The following NR2C1 variants were observed in gnomAD, a reference collection of about 807,000 sequenced individuals.
NR2C1 encodes nuclear receptor subfamily 2 group C member 1.
Under a neutral mutation model 74.8 loss-of-function variants are expected in NR2C1, and 33 were observed. The observed-to-expected ratio is 0.44, with a 90% CI of 0.33 to 0.59. The LOEUF is 0.59. Among genes scored for constraint, NR2C1 ranks in the 20% least tolerant of loss-of-function variants. NR2C1 has a pLI of 0.02. For missense variants in NR2C1, 568 were observed against 715.6 expected, an observed-to-expected ratio of 0.79 and a Z score of 2.35; for synonymous variants, 225 against 240.6, an observed-to-expected ratio of 0.94 and a Z score of 0.60.
At chr12:95,061,003 T>A (rs1254888977) in intron 3 of NR2C1, among the ~76,000 whole-genome samples, 1 of 152,248 alleles carries the variant, frequency 6.6e-6, no homozygotes, top group African/African-American at 2.4e-5. Flanking sequence ...ATGGTGCTAA[T>A]CTTTTATCTA....
At chr12:95,067,578 T>TA (rs1398638058) in intron 1 of NR2C1, among the ~76,000 whole-genome samples, 187 bp from the exon 2 acceptor site, 1 of 151,582 alleles carries the variant, frequency 6.6e-6, no homozygotes, top group Non-Finnish European at 1.5e-5. Context: ...CTTTTTTATT[T>TA]TTTTTTTTTT....
In NR2C1 at chr12:95,051,840, G is replaced by A. The variant is rs1034558461; in HGVS notation, c.887C>T (p.Ser296Phe). The A allele has an allele frequency of 1.2e-6, 2 of 1,611,176 alleles. No homozygotes were observed. Among genetic ancestry groups the A allele is most frequent in the Non-Finnish European group, 1.7e-6 (2 of 1,179,272 alleles). Residue 296 changes from serine to phenylalanine, a missense_variant, in exon 8 of 14, where the codon TCT becomes TTT. Around this residue, in one of 6 missense-constraint regions of NR2C1, gnomAD observed 239 missense variants for 232.3 expected, o/e 1.03. Coordinates refer to ENST00000333003, the MANE Select transcript of NR2C1 (RefSeq NM_003297.4). ...KDLSQNSNEM[S>F]MIESLSNDDT... ...ATCATTGCTTAAGCTTTCAATCATA[G>A]ACATTTCATTACTATTTTGAGAAAG...
At chr12:95,028,566 A>C (rs751117465) in intron 11 of NR2C1, 42 bp from the exon 12 acceptor site, 1 of 1,282,414 alleles carries the variant, frequency 7.8e-7, no homozygotes, top group Admixed American at 2.1e-5. Context: ...GTTTGTCTAA[A>C]ATGAACAACT....
In NR2C1 at chr12:95,040,539, G is replaced by A; in HGVS notation, c.1190C>T (p.Ala397Val). 6.2e-7 allele frequency: 1 copy of A among 1,613,156 alleles called. No homozygotes were observed. The stretch of plus-strand genomic sequence containing the variant: ...CATTGATAAGAACAGCAGTCTGGAG[G>A]CAGACTCCCCAATGTAGTGCACATT... ...YLNVHYIGES[A>V]SRLLFLSMHW... Residue 397 changes from alanine to valine, a missense_variant, in exon 10 of 14, where the codon GCC (alanine) becomes GTC (valine). By Grantham distance (64) the Ala-to-Val change is moderately conservative (BLOSUM62 0). Coordinates refer to ENST00000333003, the MANE Select transcript of NR2C1 (RefSeq NM_003297.4).
intron 3 of NR2C1, among the ~76,000 whole-genome samples, chr12:95,060,620 A>G (rs565674496): frequency 6.6e-6 from 1 of 152,364 alleles, no homozygotes; most frequent in East Asian, 1.9e-4. Context: ...GCACCACTGC[A>G]CTTTGGCCTG....
intron 3 of NR2C1, 40 bp from the exon 4 acceptor site, chr12:95,060,024 A>C: frequency 6.9e-7 from 1 of 1,450,940 alleles, no homozygotes; most frequent in Non-Finnish European, 9.2e-7. Flanking sequence ...AAAAACGAAA[A>C]CCTGTTGTTA....
At chr12:95,041,209 C>T (rs902187757) in intron 9 of NR2C1, among the ~76,000 whole-genome samples, 4 of 152,016 alleles carry the variant, frequency 2.6e-5, no homozygotes, top group South Asian at 2.1e-4. Flanking sequence ...ACTGGCAGGC[C>T]GGGTGTGGTG....
intron 2 of NR2C1, among the ~76,000 whole-genome samples, chr12:95,066,186 A>T (rs1875667633): frequency 6.6e-6 from 1 of 152,124 alleles, no homozygotes; most frequent in African/African-American, 2.4e-5. Context: ...TTCTTTATTT[A>T]ATCTGTTAGA....
At chr12:95,051,347 T>C (rs1872973425) in intron 8 of NR2C1, among the ~76,000 whole-genome samples, 1 of 152,184 alleles carries the variant, frequency 6.6e-6, no homozygotes, top group Non-Finnish European at 1.5e-5. Context: ...CTTTTCTGTA[T>C]ACGCCCAGAC....
intron 7 of NR2C1, among the ~76,000 whole-genome samples, chr12:95,056,693 T>A (rs973381447): frequency 6.6e-6 from 1 of 152,236 alleles, no homozygotes; most frequent in African/African-American, 2.4e-5. Context: ...GCGTGCTGGC[T>A]CACGCCTGTA....
chr12:95,028,404 A>G lies in NR2C1; in HGVS notation c.1514T>C (p.Ile505Thr), dbSNP rs1565833056. The change falls in exon 12 of 14, where the codon ATA (isoleucine) becomes ACA (threonine). Residue 505 changes from isoleucine to threonine, a missense_variant. Transcript: ENST00000333003. Reference protein sequence around the residue: ...DGYEYAYLKAIVLFSPDHPSL... With the variant: ...DGYEYAYLKATVLFSPDHPSL... ...TTATATACCTGGACTGAAGAGTACT[A>G]TTGCCTTCAGGTAGGCATATTCGTA... 7 of 1,610,148 alleles carry G rather than the reference A, an allele frequency of 4.3e-6. No homozygotes were observed. Among genetic ancestry groups the G allele is most frequent in the Non-Finnish European group, 5.9e-6 (7 of 1,177,274 alleles).
intron 2 of NR2C1, among the ~76,000 whole-genome samples, chr12:95,064,157 G>A (rs918529121): frequency 4.8e-5 from 7 of 146,304 alleles, no homozygotes; most frequent in African/African-American, 1.3e-4. Flanking sequence ...GTGAAATCCC[G>A]TCTCTACTAA....
chr12:95,042,497 G>A (rs1181689223), intron 9 of NR2C1, among the ~76,000 whole-genome samples: 1 of 152,062 alleles, frequency 6.6e-6, no homozygotes, highest in Non-Finnish European at 1.5e-5. Flanking sequence ...ACAGGCATGA[G>A]CCACCGCACC....
chr12:95,023,052 G>A (rs1214229807), intron 13 of NR2C1, among the ~76,000 whole-genome samples: 1 of 152,000 alleles, frequency 6.6e-6, no homozygotes, highest in Non-Finnish European at 1.5e-5. Context: ...TCACCTCTAG[G>A]AGGCTGAGGT....
chr12:95,040,631 A>T (rs1361354224), intron 9 of NR2C1, 34 bp from the exon 10 acceptor site: 1 of 1,557,938 alleles, frequency 6.4e-7, no homozygotes, highest in Non-Finnish European at 8.7e-7. Context: ...AAATTATCTT[A>T]TGACTGAAAA....
intron 1 of NR2C1, among the ~76,000 whole-genome samples, chr12:95,067,651 C>A (rs1423667801): frequency 6.6e-6 from 1 of 151,666 alleles, no homozygotes; most frequent in African/African-American, 2.4e-5. Flanking sequence ...GCAGTCTCAA[C>A]CTCCTGGGCT....
chr12:95,061,735 C>T (rs1005353842), intron 3 of NR2C1, among the ~76,000 whole-genome samples: 1 of 152,022 alleles, frequency 6.6e-6, no homozygotes, highest in Non-Finnish European at 1.5e-5. Flanking sequence ...AGTAGACCCC[C>T]TTCAAAAAGT....
chr12:95,072,380 G>C (rs1193775498), intron 1 of NR2C1, among the ~76,000 whole-genome samples: 1 of 150,324 alleles, frequency 6.7e-6, no homozygotes, highest in Non-Finnish European at 1.5e-5. Context: ...CTTGAACCTG[G>C]AGGCGGAGGT....
intron 7 of NR2C1, among the ~76,000 whole-genome samples, chr12:95,053,843 C>T (rs1464808074): frequency 6.6e-6 from 1 of 152,018 alleles, no homozygotes. Context: ...GCCACCATGC[C>T]CAGCTAATTT....
Sources: gnomAD v4.1 joint callset for allele counts (sites outside exome capture counted in the v4.1 genomes callset) on GRCh38, gnomAD v4.1.1 for gene constraint, gnomAD v4.1.1 regional missense constraint, MANE v1.5 for transcripts, NCBI Gene and HGNC (gene_info 2026-07-23, HGNC 2026-07-21) for gene names.